Variants in ATP9A observed in about 807,000 individuals in gnomAD.
ATP9A encodes ATPase phospholipid transporting 9A.
ATP9A carries 52 observed loss-of-function variants against 144.1 expected under a neutral mutation model. The ratio of observed to expected loss-of-function variants is 0.36; its 90% CI spans 0.29 to 0.45. ATP9A has a LOEUF of 0.45. ATP9A is among the 20% of genes least tolerant of loss of function. ATP9A has a pLI of 1.00. For synonymous variants in ATP9A, 582 were observed against 557.4 expected, an observed-to-expected ratio of 1.04 and a Z score of -0.62; for missense variants, 947 against 1,392.7, an observed-to-expected ratio of 0.68 and a Z score of 5.09.
chr20:51,733,436 C>T (rs1027504523), intron 1 of ATP9A, among the ~76,000 whole-genome samples: 2 of 151,876 alleles, frequency 1.3e-5, no homozygotes, highest in Admixed American at 6.6e-5. Flanking sequence ...AGCAGTGGCA[C>T]GATCTCCACT....
chr20:51,638,123 A>C lies in ATP9A; in HGVS notation c.1668+1220T>G, dbSNP rs1251810251. Among the ~76,000 whole-genome samples the C allele has an allele frequency of 5.9e-4, 62 of 105,466 alleles. 2 individuals carry two copies. The highest frequency in any genetic ancestry group is 1.6e-3 in the African/African-American group (43 of 26,264). 69.2% of individuals were successfully genotyped at this position (105,466 alleles called of 152,430 possible). A position where few individuals can be genotyped will look rare whatever the true frequency, so the allele number is the denominator to read the frequency against. ...TATATATATATATATATATATATAT[A>C]TCTCATAGTTCCTTTATCCACTTGT... On this transcript the variant is annotated intron_variant, in intron 15 of 27. Transcript: ENST00000338821.
intron 5 of ATP9A, among the ~76,000 whole-genome samples, chr20:51,697,182 G>A (rs1247488732): frequency 6.6e-6 from 1 of 152,146 alleles, no homozygotes; most frequent in Non-Finnish European, 1.5e-5. Context: ...TTGTACTTGT[G>A]TTTGTAAGCA....
At chr20:51,740,190 G>A (rs1486674673) in intron 1 of ATP9A, among the ~76,000 whole-genome samples, 3 of 151,860 alleles carry the variant, frequency 2.0e-5, no homozygotes, top group African/African-American at 4.8e-5. Flanking sequence ...CCGAGTAGCT[G>A]GGACTACAGG....
rs773882974 is a variant in ATP9A at position 51,671,153 on chromosome 20, T to G, written c.1142A>C (p.Gln381Pro). ...GAGTAAGTACGAAATCCTGCCCAGCTGCTCAGGAATCGTGCTGGAGCGAAC... is the reference window on the plus strand; with the variant it reads ...GAGTAAGTACGAAATCCTGCCCAGCGGCTCAGGAATCGTGCTGGAGCGAAC... Reference protein sequence around the residue: ...TVVRSSTIPEQLGRISYLLTD... With the variant: ...TVVRSSTIPEPLGRISYLLTD... Residue 381 changes from glutamine to proline, a missense_variant, in exon 12 of 28, where the codon CAG (glutamine) becomes CCG (proline). Physicochemically the swap from Gln to Pro is moderately conservative, Grantham distance 76. Coordinates refer to ENST00000338821, the MANE Select transcript of ATP9A (RefSeq NM_006045.3). The G allele has an allele frequency of 6.2e-7, 1 of 1,614,136 alleles. No individual in the cohort carries two copies. Among genetic ancestry groups the G allele is most frequent in the East Asian group, 2.2e-5 (1 of 44,882 alleles).
rs2077226599 is a variant in ATP9A at position 51,621,441 on chromosome 20, G to A, written c.2115+633C>T. Among the ~76,000 whole-genome samples, 4 of 152,102 alleles carry A rather than the reference G, an allele frequency of 2.6e-5. No individual in the cohort carries two copies. In the South Asian group the frequency reaches 8.3e-4, roughly 32 times the overall value. ...ATCGTGGCTCTGGTTTCAGATCAGT[G>A]GGATTACTATATCCTGCCCCAAAGA... On this transcript the variant is annotated intron_variant, in intron 19 of 27. Coordinates refer to ENST00000338821, the MANE Select transcript of ATP9A (RefSeq NM_006045.3).
At position 51,601,100 on chromosome 20, in the gene ATP9A, T is replaced by C. The variant is rs956977605; in HGVS notation, c.*111A>G. On this transcript the variant is annotated 3_prime_UTR_variant, in exon 28 of 28. Transcript: ENST00000338821. Reference sequence around the variant, plus strand: ...AGAGCCACTTCCCATTAAAACTGCATGTGTTAGCAATTACTGCAAAATCCA... The same window carrying C: ...AGAGCCACTTCCCATTAAAACTGCACGTGTTAGCAATTACTGCAAAATCCA... The C allele has an allele frequency of 1.5e-5, 20 of 1,329,058 alleles. No homozygotes were observed. Among genetic ancestry groups the C allele is most frequent in the Admixed American group, 5.1e-5 (2 of 38,920 alleles). 82.3% of individuals were successfully genotyped at this position (1,329,058 alleles called of 1,614,324 possible).
intron 13 of ATP9A, among the ~76,000 whole-genome samples, chr20:51,665,754 G>T (rs959780711): frequency 4.2e-5 from 5 of 118,552 alleles, no homozygotes; most frequent in African/African-American, 1.3e-4. Flanking sequence ...ACCAGTAAAT[G>T]AATAACCCAG....
At chr20:51,627,045 G>A (rs1162956202) in intron 17 of ATP9A, among the ~76,000 whole-genome samples, 4 of 123,574 alleles carry the variant, frequency 3.2e-5, no homozygotes, top group African/African-American at 8.9e-5. Context: ...CGACAAGAGC[G>A]AAACTCTGTC....
chr20:51,619,162 C>G, intron 19 of ATP9A, 119 bp from the exon 20 acceptor site: 2 of 765,806 alleles, frequency 2.6e-6, no homozygotes, highest in Non-Finnish European at 4.3e-6. Context: ...GGTCCCTCCC[C>G]TCCCCTGCCA....
intron 24 of ATP9A, among the ~76,000 whole-genome samples, chr20:51,609,183 A>C (rs938349184): frequency 6.6e-6 from 1 of 152,128 alleles, no homozygotes; most frequent in South Asian, 2.1e-4. Context: ...ACCCACGGGA[A>C]AGATGGGACC....
chr20:51,621,354 T>C (rs934619509), intron 19 of ATP9A, among the ~76,000 whole-genome samples: 14 of 152,110 alleles, frequency 9.2e-5, no homozygotes, highest in Admixed American at 9.2e-4. Context: ...CTGTGTGCTA[T>C]GGACCAAAGG....
Position 51,596,579 on chromosome 20 carries a change from T to C in ATP9A, c.*4632A>G, listed in dbSNP as rs2077120360. ...ATTCTGACACGTCTGGGATGGACAA[T>C]AGTACAAAATAATAAATAACATGCA... On this transcript the variant is annotated 3_prime_UTR_variant, in exon 28 of 28. Coordinates refer to ENST00000338821, the MANE Select transcript of ATP9A (RefSeq NM_006045.3). 1 of 152,118 alleles carries C rather than the reference T, an allele frequency of 6.6e-6. No individual in the cohort carries two copies. Among genetic ancestry groups the C allele is most frequent in the African/African-American group, 2.4e-5 (1 of 41,416 alleles). 9.4% of individuals were successfully genotyped at this position (152,118 alleles called of 1,614,324 possible). A position where few individuals can be genotyped will look rare whatever the true frequency, so the allele number is the denominator to read the frequency against.
rs775619015 is a variant in ATP9A, at chr20:51,604,923, G to A, written c.2901C>T (p.Leu967=). The change falls in exon 27 of 28, where the codon CTC becomes CTT. Residue 967 remains leucine, a synonymous_variant. Coordinates refer to ENST00000338821, the MANE Select transcript of ATP9A (RefSeq NM_006045.3). ...AGGTCTGGATGGTCAGCGCCACCAT[G>A]AGCAGCTCGGTGAGGATCAGCGAGG... is the stretch of plus-strand genomic sequence containing the variant. ...SFTSLILTEL[L]MVALTIQTWH... 3.7e-5 allele frequency: 60 copies of A among 1,613,014 alleles called. No homozygotes were observed. The highest frequency in any genetic ancestry group is 4.9e-5 in the Non-Finnish European group (58 of 1,179,572).
intron 3 of ATP9A, among the ~76,000 whole-genome samples, chr20:51,716,607 G>A (rs909067564): frequency 1.3e-5 from 2 of 152,074 alleles, no homozygotes; most frequent in South Asian, 4.1e-4. Flanking sequence ...AGTAAGCAGA[G>A]ATTGAGCCAC....
chr20:51,616,672 TTA>T (rs1160605372), intron 22 of ATP9A, among the ~76,000 whole-genome samples: 2 of 152,064 alleles, frequency 1.3e-5, no homozygotes, highest in African/African-American at 4.8e-5. Flanking sequence ...CTCTTGTCAT[TTA>T]GAGGTCACAA....
At chr20:51,756,033 C>A (rs772110268) in intron 1 of ATP9A, among the ~76,000 whole-genome samples, 3 of 152,094 alleles carry the variant, frequency 2.0e-5, no homozygotes, top group Admixed American at 2.0e-4. Context: ...CTAAGAGATA[C>A]TGCACATGCC....
chr20:51,715,978 G>C (rs1409945494), intron 3 of ATP9A, among the ~76,000 whole-genome samples: 1 of 150,296 alleles, frequency 6.7e-6, no homozygotes, highest in Non-Finnish European at 1.5e-5. Context: ...CTAAAGCAAA[G>C]CTAATCTATG....
chr20:51,633,890 AAGAG>A (rs2077280021), intron 15 of ATP9A, among the ~76,000 whole-genome samples: 1 of 143,636 alleles, frequency 7.0e-6, no homozygotes, highest in Non-Finnish European at 1.5e-5. Context: ...AAGGAAGGAA[AAGAG>A]GGAGGGAGGG....
At chr20:51,612,323 G>A (rs12480905) in intron 23 of ATP9A, among the ~76,000 whole-genome samples, 4,417 of 152,286 alleles carry the variant, frequency 0.029, 93 homozygotes, top group South Asian at 0.097. Context: ...GCCCAAAAAG[G>A]AAGATTGACA....
Sources: gnomAD v4.1 joint callset for allele counts (sites outside exome capture counted in the v4.1 genomes callset) on GRCh38, gnomAD v4.1.1 for gene constraint, MANE v1.5 for transcripts, NCBI Gene and HGNC (gene_info 2026-07-23, HGNC 2026-07-21) for gene names.